The following ZNF407 variants were observed in gnomAD, a reference collection of about 807,000 sequenced individuals.
ZNF407 encodes the protein zinc finger protein 407.
Under a neutral mutation model 131.2 loss-of-function variants are expected in ZNF407, and 17 were observed. That is an observed-to-expected ratio of 0.13 (90% confidence interval 0.09 to 0.19). ZNF407 has a LOEUF of 0.19. Ranked by LOEUF, ZNF407 falls within the 10% of genes least tolerant of loss-of-function variation. ZNF407 has a pLI of 1.00. For missense variants in ZNF407, 2,681 were observed against 2,830.6 expected (o/e 0.95, Z 1.20); for synonymous variants, 1,156 against 1,062.0 (o/e 1.09, Z -1.72).
intron 8 of ZNF407, among the ~76,000 whole-genome samples, chr18:75,017,338 T>C (rs568318263): frequency 1.3e-5 from 2 of 152,232 alleles, no homozygotes; most frequent in Non-Finnish European, 2.9e-5. Context: ...GGTTAATTGC[T>C]CAGTTTTTAA....
chr18:75,052,413 G>A (rs189555723), intron 8 of ZNF407, among the ~76,000 whole-genome samples: 1 of 152,272 alleles, frequency 6.6e-6, no homozygotes, highest in East Asian at 1.9e-4. Flanking sequence ...GAGTGGGACA[G>A]AATGCCACTG....
At chr18:74,940,787 A>G (rs2049701366) in intron 8 of ZNF407, among the ~76,000 whole-genome samples, 1 of 152,018 alleles carries the variant, frequency 6.6e-6, no homozygotes, top group African/African-American at 2.4e-5. Flanking sequence ...TCGCTCCCTC[A>G]CTTACCTGGA....
intron 7 of ZNF407, among the ~76,000 whole-genome samples, chr18:74,917,061 TTTTG>T (rs1241291871): frequency 2.0e-5 from 3 of 152,150 alleles, no homozygotes; most frequent in Non-Finnish European, 4.4e-5. Context: ...GAGAGTTCTT[TTTTG>T]TTTGTTTTTG....
chr18:74,776,405 C>A (rs1360745850), intron 3 of ZNF407, among the ~76,000 whole-genome samples: 1 of 152,218 alleles, frequency 6.6e-6, no homozygotes, highest in Non-Finnish European at 1.5e-5. Context: ...CCTGAAGCCA[C>A]AGTTCTAGTA....
At position 74,767,820 on chromosome 18, in the gene ZNF407, ATT is replaced by A. The variant is rs10692267; in HGVS notation, c.4803-13590_4803-13589del. Among the ~76,000 whole-genome samples the A allele has an allele frequency of 8.2e-4, 93 of 114,088 alleles. 1 individual carries two copies. Among genetic ancestry groups the A allele is most frequent in the African/African-American group, 2.2e-3 (66 of 29,560 alleles). 74.8% of individuals were successfully genotyped at this position (114,088 alleles called of 152,430 possible). A position where few individuals can be genotyped will look rare whatever the true frequency, so the allele number is the denominator to read the frequency against. ...AGGCGCCTGCCACCACGCCTGGCTA[ATT>A]TTTTTTTTTTTTTTTTTGTATTTTT... On this transcript the variant is annotated intron_variant, in intron 3 of 8. Coordinates refer to ENST00000299687, the MANE Select transcript of ZNF407 (RefSeq NM_017757.3).
intron 6 of ZNF407, among the ~76,000 whole-genome samples, chr18:74,885,851 T>C (rs1483416972): frequency 6.6e-6 from 1 of 152,154 alleles, no homozygotes; most frequent in Non-Finnish European, 1.5e-5. Context: ...AACTTAAAAC[T>C]ATATAAATTC....
At chr18:74,876,395 T>C (rs1971156625) in intron 4 of ZNF407, among the ~76,000 whole-genome samples, 1 of 152,226 alleles carries the variant, frequency 6.6e-6, no homozygotes, top group Non-Finnish European at 1.5e-5. Context: ...AAAGTAAATG[T>C]TAGCAACTAT....
intron 1 of ZNF407, among the ~76,000 whole-genome samples, chr18:74,623,594 T>G (rs1000401491): frequency 2.6e-5 from 4 of 152,256 alleles, no homozygotes; most frequent in African/African-American, 9.6e-5. Flanking sequence ...CCGAAATGCC[T>G]TCTTTGATAT....
In ZNF407 at chr18:74,835,624, A is replaced by AG. The variant is rs372471246; in HGVS notation, c.4878-41567dup. On this transcript the variant is annotated intron_variant, in intron 4 of 8. Coordinates refer to ENST00000299687, the MANE Select transcript of ZNF407 (RefSeq NM_017757.3). ...GTGTGTGAGTTTGTGTCTTGGACAG[A>AG]GGGGGGTGTGTGTGTGTGTGTGTGT... Among the ~76,000 whole-genome samples, 60 of 64,720 alleles carry AG rather than the reference A, an allele frequency of 9.3e-4. No individual in the cohort carries two copies. In the East Asian group the frequency reaches 0.011, roughly 12 times the overall value. 42.5% of individuals were successfully genotyped at this position (64,720 alleles called of 152,430 possible). A position where few individuals can be genotyped will look rare whatever the true frequency, so the allele number is the denominator to read the frequency against.
intron 3 of ZNF407, among the ~76,000 whole-genome samples, chr18:74,747,792 A>G (rs765792829): frequency 1.8e-4 from 28 of 152,174 alleles, no homozygotes; most frequent in Middle Eastern, 3.2e-3. Context: ...AAGAATTTTC[A>G]TTATGAATAT....
intron 8 of ZNF407, among the ~76,000 whole-genome samples, chr18:74,927,937 A>G (rs1245682055): frequency 2.0e-5 from 3 of 152,312 alleles, no homozygotes; most frequent in Admixed American, 6.5e-5. Context: ...GAAACGTATC[A>G]TTTAAATAAT....
At chr18:74,909,499 G>T (rs983773009) in intron 7 of ZNF407, among the ~76,000 whole-genome samples, 5 of 152,096 alleles carry the variant, frequency 3.3e-5, no homozygotes, top group Non-Finnish European at 7.4e-5. Context: ...GCAAAACTAA[G>T]CGTATTTCTT....
chr18:74,754,618 T>C (rs939420653), intron 3 of ZNF407, among the ~76,000 whole-genome samples: 2 of 152,222 alleles, frequency 1.3e-5, no homozygotes, highest in Admixed American at 6.5e-5. Flanking sequence ...CCAGTAGTCA[T>C]TCAGGAGCAG....
chr18:74,922,730 A>G (rs1396962701), intron 8 of ZNF407, among the ~76,000 whole-genome samples: 1 of 152,214 alleles, frequency 6.6e-6, no homozygotes, highest in African/African-American at 2.4e-5. Context: ...CCCTGATTCA[A>G]GTCTCTATGT....
intron 4 of ZNF407, among the ~76,000 whole-genome samples, chr18:74,851,378 T>C (rs1267849632): frequency 1.3e-5 from 2 of 152,230 alleles, no homozygotes; most frequent in Non-Finnish European, 2.9e-5. Flanking sequence ...TTCCCTGATA[T>C]AAAACATTTA....
chr18:74,608,930 A>G (rs757080750), intron 1 of ZNF407, among the ~76,000 whole-genome samples: 2 of 152,162 alleles, frequency 1.3e-5, no homozygotes, highest in Non-Finnish European at 2.9e-5. Flanking sequence ...CTGTGAGGTT[A>G]AACATTTTTT....
rs1055003864 is a variant in ZNF407, at chr18:75,063,071, C to T, written c.5429-79C>T. ...CGTGGTGACTCTGCTGAGGCCTGAG[C>T]GCTTCTGCAGAAGAAGTGTCTTACT... On this transcript the variant is annotated intron_variant, in intron 8 of 8. Transcript: ENST00000299687. The surrounding 1 kb of genome is among the most constrained non-coding windows in gnomAD (Gnocchi z 6.6). 2.0e-5 allele frequency: 26 copies of T among 1,323,242 alleles called. No homozygotes were observed. Among genetic ancestry groups the T allele is most frequent in the South Asian group, 5.6e-5 (4 of 71,114 alleles). 82.0% of individuals were successfully genotyped at this position (1,323,242 alleles called of 1,614,324 possible).
rs555962452 is a variant in ZNF407, at chr18:74,721,785, G to T, written c.4803-59643G>T. On this transcript the variant is annotated intron_variant, in intron 3 of 8. Coordinates refer to ENST00000299687, the MANE Select transcript of ZNF407 (RefSeq NM_017757.3). ...TCTTTACCTTATGTGTTTTGCATTT[G>T]TTCTTCTTTTACTGCCTATTTTGTG... 4.6e-5 allele frequency among the ~76,000 whole-genome samples: 7 copies of T among 152,096 alleles called. No homozygotes were observed. In the East Asian group the frequency reaches 1.4e-3, roughly 29 times the overall value.
chr18:74,918,647 C>G (rs752884785), intron 7 of ZNF407, among the ~76,000 whole-genome samples: 21 of 152,292 alleles, frequency 1.4e-4, no homozygotes, highest in Admixed American at 1.2e-3. Context: ...CCCAGATTGA[C>G]AGAGCCTTTG....
Sources: allele counts gnomAD v4.1 joint callset (sites outside exome capture counted in the v4.1 genomes callset), GRCh38; gene constraint gnomAD v4.1.1; non-coding constraint Gnocchi (gnomAD v3.1); transcripts MANE v1.5; gene names NCBI Gene and HGNC (gene_info 2026-07-23, HGNC 2026-07-21).